FBLN1: variants seen among roughly 807,000 people sequenced by gnomAD.
The protein encoded by FBLN1 is fibulin 1.
Under a neutral mutation model 89.7 loss-of-function variants are expected in FBLN1, and 34 were observed. The observed-to-expected ratio is 0.38, with a 90% CI of 0.29 to 0.50. The LOEUF is 0.50. FBLN1 is among the 20% of genes least tolerant of loss of function. The probability of loss-of-function intolerance (pLI) is 0.92; values close to 1 mark genes in which losing one functional copy is unlikely to be tolerated. For missense variants in FBLN1, 777 were observed against 988.1 expected, an observed-to-expected ratio of 0.79 and a Z score of 2.86; for synonymous variants, 393 against 391.3, an observed-to-expected ratio of 1.00 and a Z score of -0.05.
intron 1 of FBLN1, among the ~76,000 whole-genome samples, chr22:45,510,682 C>A (rs1370941446): frequency 6.6e-6 from 1 of 152,146 alleles, no homozygotes. Context: ...TCTCTCTGAG[C>A]ATCTGTAGTC....
chr22:45,576,191 G>C lies in FBLN1; in HGVS notation c.1841-786G>C, dbSNP rs1456416181. On this transcript the variant is annotated intron_variant, in intron 15 of 16. Coordinates refer to ENST00000327858, the MANE Select transcript of FBLN1 (RefSeq NM_006486.3). The surrounding 1 kb of genome is among the most constrained non-coding windows in gnomAD (Gnocchi z 5.2). ...TTGGGTCAGAGAAAATAACTAACTGGTATTTGCCTTTTGCAAAATGATGGG... is the reference window on the plus strand; with the variant it reads ...TTGGGTCAGAGAAAATAACTAACTGCTATTTGCCTTTTGCAAAATGATGGG... 6.6e-6 allele frequency among the ~76,000 whole-genome samples: 1 copy of C among 152,154 alleles called. No homozygotes were observed. The highest frequency in any genetic ancestry group is 6.5e-5 in the Admixed American group (1 of 15,278).
chr22:45,551,777 G>A (rs768448494), intron 14 of FBLN1, among the ~76,000 whole-genome samples: 2 of 152,236 alleles, frequency 1.3e-5, no homozygotes, highest in African/African-American at 4.8e-5. Context: ...AAGAAAGTTC[G>A]ATGGCCTTGG....
rs1387128408 is a variant in FBLN1, at chr22:45,563,096, G to A, written c.1698-11415G>A. 6.2e-7 allele frequency: 1 copy of A among 1,613,418 alleles called. No individual in the cohort carries two copies. Among genetic ancestry groups the A allele is most frequent in the Non-Finnish European group, 8.5e-7 (1 of 1,179,996 alleles). Reference sequence around the variant, plus strand: ...GGCCATCACCGGCGGCAATGAGGAGGGCTTTTTCACCACCCGGAAGGTGAG... The same window carrying A: ...GGCCATCACCGGCGGCAATGAGGAGAGCTTTTTCACCACCCGGAAGGTGAG... On this transcript the variant is annotated intron_variant, in intron 14 of 16. Coordinates refer to ENST00000327858, the MANE Select transcript of FBLN1 (RefSeq NM_006486.3). The surrounding 1 kb of genome is among the most constrained non-coding windows in gnomAD (Gnocchi z 5.7).
Position 45,532,751 on chromosome 22 carries a change from T to A in FBLN1, c.545-312T>A, listed in dbSNP as rs747657608. On this transcript the variant is annotated intron_variant, in intron 5 of 16. Transcript: ENST00000327858. The surrounding 1 kb of genome is among the most constrained non-coding windows in gnomAD (Gnocchi z 4.2). ...TCCACGTGGAGCCCACACCCCCATG[T>A]CTGTGACCGGCAGTGAGCTCTTCTC... is the stretch of plus-strand genomic sequence containing the variant. 1 of 461,152 alleles carries A rather than the reference T, an allele frequency of 2.2e-6. No homozygotes were observed. Among genetic ancestry groups the A allele is most frequent in the Non-Finnish European group, 4.0e-6 (1 of 249,042 alleles). 28.6% of individuals were successfully genotyped at this position (461,152 alleles called of 1,614,324 possible). A position where few individuals can be genotyped will look rare whatever the true frequency, so the allele number is the denominator to read the frequency against.
Position 45,579,467 on chromosome 22 carries a change from G to A in FBLN1, c.1972+2359G>A, listed in dbSNP as rs990087203. On this transcript the variant is annotated intron_variant, in intron 16 of 16. Coordinates refer to ENST00000327858, the MANE Select transcript of FBLN1 (RefSeq NM_006486.3). The surrounding 1 kb of genome is among the most constrained non-coding windows in gnomAD (Gnocchi z 5.5). ...CCACAAGGACCCAGCGGCTTCCCCC[G>A]GCACAGTTGGTCACGGGTGCCCTGG... 8.5e-5 allele frequency among the ~76,000 whole-genome samples: 13 copies of A among 152,244 alleles called. No individual in the cohort carries two copies. The highest frequency in any genetic ancestry group is 1.9e-4 in the Non-Finnish European group (13 of 68,042).
chr22:45,520,171 C>G (rs1174002344), intron 2 of FBLN1, among the ~76,000 whole-genome samples: 1 of 152,066 alleles, frequency 6.6e-6, no homozygotes, highest in Non-Finnish European at 1.5e-5. Context: ...TCCGTGCCCC[C>G]ACCATCAAAA....
intron 11 of FBLN1, among the ~76,000 whole-genome samples, chr22:45,546,822 C>A (rs2088634409): frequency 6.6e-6 from 1 of 152,216 alleles, no homozygotes; most frequent in Non-Finnish European, 1.5e-5. Flanking sequence ...TCGGGGCAGA[C>A]TTCCAGGGGC....
chr22:45,583,132 AG>A lies in FBLN1; in HGVS notation c.1972+6026del. 6.6e-6 allele frequency among the ~76,000 whole-genome samples: 1 copy of A among 152,162 alleles called. No homozygotes were observed. The highest frequency in any genetic ancestry group is 1.9e-4 in the East Asian group (1 of 5,190). The stretch of plus-strand genomic sequence containing the variant: ...TATCACCATTTATGTAAGAAAAAAA[AG>A]GAAGTGCTGGCCCAGGGTCCCACAG... On this transcript the variant is annotated intron_variant, in intron 16 of 16. Coordinates refer to ENST00000327858, the MANE Select transcript of FBLN1 (RefSeq NM_006486.3). The surrounding 1 kb of genome is among the most constrained non-coding windows in gnomAD (Gnocchi z 4.5).
At chr22:45,558,969 G>A (rs778028338) in intron 14 of FBLN1, among the ~76,000 whole-genome samples, 6 of 152,206 alleles carry the variant, frequency 3.9e-5, no homozygotes, top group South Asian at 2.1e-4. Flanking sequence ...ATGGACCAGC[G>A]TGATATCTTG....
intron 11 of FBLN1, 84 bp from the exon 12 acceptor site, chr22:45,547,001 A>G (rs1012523095): frequency 2.5e-6 from 4 of 1,603,086 alleles, no homozygotes; most frequent in Admixed American, 1.7e-5. Flanking sequence ...TGGAGAGGAG[A>G]TTTTCTGTTC....
At chr22:45,538,895 G>T (rs990590727) in intron 8 of FBLN1, among the ~76,000 whole-genome samples, 2 of 152,148 alleles carry the variant, frequency 1.3e-5, no homozygotes, top group Non-Finnish European at 2.9e-5. Context: ...CTAGTACAAG[G>T]GATGGGTCAG....
At chr22:45,539,579 G>A (rs576306087) in intron 8 of FBLN1, among the ~76,000 whole-genome samples, 7 of 152,236 alleles carry the variant, frequency 4.6e-5, no homozygotes, top group African/African-American at 1.4e-4. Flanking sequence ...TGGGGATGTC[G>A]GCAGGTCCTG....
chr22:45,525,893 G>A (rs1171302721), intron 3 of FBLN1, among the ~76,000 whole-genome samples: 2 of 152,230 alleles, frequency 1.3e-5, no homozygotes, highest in Non-Finnish European at 2.9e-5. Flanking sequence ...ACCTGGGGCC[G>A]AGTCTCCCAC....
rs935620870 is a variant in FBLN1, at chr22:45,531,638, G to A, written c.544+314G>A. 1.3e-5 allele frequency among the ~76,000 whole-genome samples: 2 copies of A among 152,266 alleles called. No homozygotes were observed. The highest frequency in any genetic ancestry group is 2.9e-5 in the Non-Finnish European group (2 of 68,044). On this transcript the variant is annotated intron_variant, in intron 5 of 16. Transcript: ENST00000327858. The surrounding 1 kb of genome is among the most constrained non-coding windows in gnomAD (Gnocchi z 4.9). ...CCTGCAAAGTACCCTTTGGCTGGGAGCCAGCCATGAGCCACTTCCACCCTG... is the reference window on the plus strand; with the variant it reads ...CCTGCAAAGTACCCTTTGGCTGGGAACCAGCCATGAGCCACTTCCACCCTG...
chr22:45,555,272 A>AATATAT (rs10648791), intron 14 of FBLN1, among the ~76,000 whole-genome samples: 1,746 of 44,568 alleles, frequency 0.039, 64 homozygotes, highest in African/African-American at 0.069. Context: ...TATAAAATGG[A>AATATAT]ATATATATAT....
chr22:45,597,648 G>A lies in FBLN1; in HGVS notation c.1973-2659G>A, dbSNP rs766846908. ...GACCCCGTCATCAGGTTCTGCTGGC[G>A]AGCCCAGGGTGGTGACAGGCGCACG... On this transcript the variant is annotated intron_variant, in intron 16 of 16. Transcript: ENST00000327858. This position sits in a 1 kb window ranked among gnomAD's most constrained non-coding sequence, Gnocchi z 4.2. Among the ~76,000 whole-genome samples, 1 of 152,164 alleles carries A rather than the reference G, an allele frequency of 6.6e-6. No individual in the cohort carries two copies. The highest frequency in any genetic ancestry group is 1.5e-5 in the Non-Finnish European group (1 of 68,034).
Position 45,562,976 on chromosome 22 carries a change from T to A in FBLN1, c.1698-11535T>A. ...CTCCAAGCTGCCTCTGAGAATAACC[T>A]ACTACCACCTCTCTTTCCCCACCAA... On this transcript the variant is annotated intron_variant, in intron 14 of 16. Coordinates refer to ENST00000327858, the MANE Select transcript of FBLN1 (RefSeq NM_006486.3). The surrounding 1 kb of genome is among the most constrained non-coding windows in gnomAD (Gnocchi z 7.8). The A allele has an allele frequency of 6.2e-7, 1 of 1,613,944 alleles. No individual in the cohort carries two copies. Among genetic ancestry groups the A allele is most frequent in the South Asian group, 1.1e-5 (1 of 91,062 alleles).
chr22:45,599,565 G>A (rs1353407879), intron 16 of FBLN1, among the ~76,000 whole-genome samples: 2 of 152,122 alleles, frequency 1.3e-5, no homozygotes, highest in Non-Finnish European at 2.9e-5. Flanking sequence ...TGGAAGGAGG[G>A]AGAAAGATGT....
intron 2 of FBLN1, 60 bp downstream of exon 2, chr22:45,518,847 G>A: frequency 7.1e-7 from 1 of 1,412,738 alleles, no homozygotes. Flanking sequence ...AAAAGTGGGG[G>A]AGGAAGGGAC....
Sources: gnomAD v4.1 joint callset for allele counts (sites outside exome capture counted in the v4.1 genomes callset) on GRCh38, gnomAD v4.1.1 for gene constraint, Gnocchi (gnomAD v3.1) non-coding constraint, MANE v1.5 for transcripts, NCBI Gene and HGNC (gene_info 2026-07-23, HGNC 2026-07-21) for gene names.